MBNL1: variants seen among roughly 807,000 people sequenced by gnomAD.
MBNL1 encodes muscleblind-like protein 1.
In MBNL1, 8 loss-of-function variants were observed where a neutral mutation model predicts 42.2. The observed-to-expected ratio is 0.19, with a 90% confidence interval of 0.11 to 0.34. MBNL1 has a LOEUF of 0.34. Among genes scored for constraint, MBNL1 ranks in the 10% least tolerant of loss-of-function variants. MBNL1 has a pLI of 1.00. For missense variants in MBNL1, 309 were observed against 495.3 expected (o/e 0.62, Z 3.57); for synonymous variants, 169 against 173.9 (o/e 0.97, Z 0.22).
chr3:152,449,218 T>C (rs971885204), intron 6 of MBNL1: 3 of 152,192 alleles, frequency 2.0e-5, no homozygotes, highest in Admixed American at 1.3e-4. Flanking sequence ...TTAAAACTTA[T>C]TTTTGTCAGT....
chr3:152,436,704 T>G (rs2099082715), intron 4 of MBNL1, among the ~76,000 whole-genome samples: 1 of 152,222 alleles, frequency 6.6e-6, no homozygotes, highest in African/African-American at 2.4e-5. Context: ...TCAGGTAGTT[T>G]GTTACTGGTT....
chr3:152,395,995 A>G (rs2097915299), intron 2 of MBNL1, among the ~76,000 whole-genome samples: 1 of 152,162 alleles, frequency 6.6e-6, no homozygotes, highest in South Asian at 2.1e-4. Context: ...GCTGCTCCGC[A>G]TTGCTGGCAT....
intron 2 of MBNL1, among the ~76,000 whole-genome samples, chr3:152,246,627 A>G (rs989165914): frequency 2.6e-5 from 4 of 152,010 alleles, no homozygotes; most frequent in Non-Finnish European, 4.4e-5. Flanking sequence ...TCTGAGCTGT[A>G]GTATATATTT....
intron 1 of MBNL1, among the ~76,000 whole-genome samples, chr3:152,288,043 A>G (rs1431447751): frequency 1.3e-5 from 2 of 152,230 alleles, no homozygotes; most frequent in Non-Finnish European, 2.9e-5. Context: ...TCGTCTCCCA[A>G]GAAGCCTAAC....
chr3:152,410,229 G>T (rs1179687714), intron 2 of MBNL1, among the ~76,000 whole-genome samples: 1 of 152,030 alleles, frequency 6.6e-6, no homozygotes, highest in African/African-American at 2.4e-5. Flanking sequence ...TAATCTAAAT[G>T]TATATTTTCC....
At chr3:152,269,142 C>T (rs2038390597) in intron 1 of MBNL1, 50 bp downstream of exon 1, 5 of 438,434 alleles carry the variant, frequency 1.1e-5, no homozygotes, top group Non-Finnish European at 1.4e-5. Context: ...TGTTCGGACT[C>T]CGGCGGGTCT....
chr3:152,395,534 A>G (rs887575499), intron 2 of MBNL1, among the ~76,000 whole-genome samples: 4 of 152,196 alleles, frequency 2.6e-5, no homozygotes, highest in Non-Finnish European at 5.9e-5. Flanking sequence ...TTTAGGTCCT[A>G]TATAACCAGA....
intron 1 of MBNL1, among the ~76,000 whole-genome samples, chr3:152,275,159 A>G (rs1437165476): frequency 6.6e-6 from 1 of 152,182 alleles, no homozygotes; most frequent in Non-Finnish European, 1.5e-5. Context: ...TGGACGGATA[A>G]CTCTTCTAGT....
In MBNL1 at chr3:152,445,413, G is replaced by C; in HGVS notation, c.681G>C (p.Gly227=). 1 of 1,614,002 alleles carries C rather than the reference G, an allele frequency of 6.2e-7. No individual in the cohort carries two copies. The highest frequency in any genetic ancestry group is 8.5e-7 in the Non-Finnish European group (1 of 1,179,962). The part of the protein sequence containing the change: ...TVTVCMDYIK[G]RCSREKCKYF... The stretch of plus-strand genomic sequence containing the variant: ...CTGTGTGTATGGATTACATCAAAGG[G>C]AGATGCTCTCGGGAAAAGTGCAAAT... The change falls in exon 5 of 10, where the codon GGG becomes GGC. Residue 227 remains glycine (G), a synonymous_variant. Transcript: ENST00000324210.
At chr3:152,273,819 A>G (rs567825592) in intron 1 of MBNL1, among the ~76,000 whole-genome samples, 1 of 152,318 alleles carries the variant, frequency 6.6e-6, no homozygotes, top group East Asian at 1.9e-4. Context: ...TATGTTTTAT[A>G]TACCAAAAGA....
chr3:152,436,726 T>C (rs2099082967), intron 4 of MBNL1, among the ~76,000 whole-genome samples: 1 of 152,250 alleles, frequency 6.6e-6, no homozygotes. Context: ...TATTTTGTAG[T>C]GCTTAATTGA....
chr3:152,340,187 T>C, intron 2 of MBNL1: 1 of 202,398 alleles, frequency 4.9e-6, no homozygotes, highest in Non-Finnish European at 9.9e-6. Flanking sequence ...CTGGGCATGG[T>C]AGCAGGCACC....
chr3:152,321,766 TTG>T (rs1313135322), intron 2 of MBNL1, among the ~76,000 whole-genome samples: 1 of 152,050 alleles, frequency 6.6e-6, no homozygotes, highest in Non-Finnish European at 1.5e-5. Flanking sequence ...AATTCTGCCT[TTG>T]TGTATTTCCA....
At chr3:152,289,732 T>C (rs2054746296) in intron 1 of MBNL1, among the ~76,000 whole-genome samples, 1 of 152,134 alleles carries the variant, frequency 6.6e-6, no homozygotes, top group Admixed American at 6.5e-5. Flanking sequence ...GTCAGTTGTA[T>C]AAGTCAATAG....
chr3:152,390,645 A>ACACACACACACACACT (rs753471201), intron 2 of MBNL1, among the ~76,000 whole-genome samples: 1 of 150,190 alleles, frequency 6.7e-6, no homozygotes, highest in African/African-American at 2.5e-5. Flanking sequence ...ACACACACAC[A>ACACACACACACACACT]CTCTGATATA....
intron 2 of MBNL1, among the ~76,000 whole-genome samples, chr3:152,388,166 C>T (rs1166628837): frequency 6.6e-6 from 1 of 151,962 alleles, no homozygotes; most frequent in Non-Finnish European, 1.5e-5. Flanking sequence ...TGTTTTTGGT[C>T]CTTGGGAGGA....
At chr3:152,456,960 T>C (rs1734939826) in intron 8 of MBNL1, among the ~76,000 whole-genome samples, 1 of 152,104 alleles carries the variant, frequency 6.6e-6, no homozygotes, top group Admixed American at 6.5e-5. Context: ...TTTTTATAAT[T>C]ACCCTGCATA....
At chr3:152,266,490 GA>G (rs751911856), upstream of MBNL1, 4 of 152,082 alleles carry the variant, frequency 2.6e-5, no homozygotes, top group Admixed American at 1.3e-4. Context: ...TAACCCACAT[GA>G]AAAAAGAACA....
chr3:152,336,459 T>C (rs2090258488), intron 2 of MBNL1, among the ~76,000 whole-genome samples: 1 of 152,232 alleles, frequency 6.6e-6, no homozygotes, highest in African/African-American at 2.4e-5. Context: ...ACCTATCACA[T>C]TGACATGATT....
Sources: gnomAD v4.1 joint callset for allele counts (sites outside exome capture counted in the v4.1 genomes callset) on GRCh38, gnomAD v4.1.1 for gene constraint, MANE v1.5 for transcripts, NCBI Gene and HGNC (gene_info 2026-07-23, HGNC 2026-07-21) for gene names.